Variants in NUP188 observed in about 807,000 individuals in gnomAD.
The protein encoded by NUP188 is nucleoporin NUP188.
A neutral mutation model predicts 223.0 loss-of-function variants in NUP188; 97 were observed. The observed-to-expected ratio is 0.43, with a 90% CI of 0.37 to 0.51. NUP188 has a LOEUF of 0.51. Ranked by LOEUF, NUP188 falls within the 20% of genes least tolerant of loss-of-function variation. NUP188 has a pLI of 0.00. For missense variants in NUP188, 1,947 were observed against 2,175.6 expected (o/e 0.89, Z 2.09); for synonymous variants, 869 against 828.0 (o/e 1.05, Z -0.85).
intron 41 of NUP188, 129 bp from the exon 42 acceptor site, chr9:129,005,921 G>A: frequency 7.1e-7 from 1 of 1,402,566 alleles, no homozygotes; most frequent in East Asian, 2.3e-5. Context: ...CAGCACCTCT[G>A]AGAATTACTG....
At position 128,998,750 on chromosome 9, in the gene NUP188, A is replaced by G. The variant is rs1361355492; in HGVS notation, c.3515+127A>G. 11 of 735,538 alleles carry G rather than the reference A, an allele frequency of 1.5e-5. No individual in the cohort carries two copies. The East Asian group carries it at 2.9e-4, about 19-fold the overall frequency. The allele number at this position is 735,538 out of a possible 1,614,324, so 45.6% of individuals were successfully genotyped here. On this transcript the variant is annotated intron_variant, in intron 32 of 43. Transcript: ENST00000372577. The stretch of plus-strand genomic sequence containing the variant: ...TTTTCCATCTTGAGGAATGGGAGTG[A>G]CATAGCAGATAGGAGGGTGAGGCAG...
At chr9:128,963,218 T>A (rs1158460243) in intron 8 of NUP188, among the ~76,000 whole-genome samples, 2 of 152,142 alleles carry the variant, frequency 1.3e-5, no homozygotes, top group African/African-American at 4.8e-5. Flanking sequence ...TTTTTTGACA[T>A]AAGTTTTCAT....
chr9:128,949,310 C>T, intron 2 of NUP188, 67 bp downstream of exon 2: 2 of 1,169,504 alleles, frequency 1.7e-6, no homozygotes, highest in Non-Finnish European at 1.3e-6. Context: ...CAAAAAAAAC[C>T]TTTTTTTAAA....
chr9:128,964,753 T>C (rs1401598884), intron 8 of NUP188, among the ~76,000 whole-genome samples: 1 of 150,180 alleles, frequency 6.7e-6, no homozygotes. Context: ...TCACCCAGGC[T>C]GGAGTGCAGT....
intron 20 of NUP188, among the ~76,000 whole-genome samples, chr9:128,985,630 G>T (rs866741051): frequency 1.8e-4 from 27 of 152,168 alleles, no homozygotes; most frequent in African/African-American, 6.5e-4. Flanking sequence ...AATATCTTAA[G>T]AGTCTCTAAA....
intron 11 of NUP188, among the ~76,000 whole-genome samples, chr9:128,971,897 A>C (rs1387064414): frequency 1.3e-5 from 2 of 152,036 alleles, no homozygotes; most frequent in Non-Finnish European, 2.9e-5. Flanking sequence ...TCAGCCTCCC[A>C]AGTAGCTGGG....
At position 128,959,081 on chromosome 9, in the gene NUP188, G is replaced by A. The variant is rs1400084917; in HGVS notation, c.532G>A (p.Glu178Lys). ...ELVSKYRQQF[E>K]ELYKTEAPTW... ...AGTTTCAAAATACAGACAGCAGTTCGAAGAGCTTTATAAAACTGAAGCACC... is the reference window on the plus strand; with the variant it reads ...AGTTTCAAAATACAGACAGCAGTTCAAAGAGCTTTATAAAACTGAAGCACC... Residue 178 changes from glutamate to lysine, a missense_variant, in exon 8 of 44, where the codon GAA (glutamate) becomes AAA (lysine). Physicochemically the swap from Glu to Lys is moderately conservative, Grantham distance 56. Coordinates refer to ENST00000372577, the MANE Select transcript of NUP188 (RefSeq NM_015354.3). 1.9e-6 allele frequency: 3 copies of A among 1,603,810 alleles called. No homozygotes were observed. The highest frequency in any genetic ancestry group is 1.7e-5 in the Admixed American group (1 of 59,448).
rs915695042 is a variant in NUP188 at position 129,001,036 on chromosome 9, C to A, written c.3844-493C>A. On this transcript the variant is annotated intron_variant, in intron 34 of 43. Transcript: ENST00000372577. ...TGGGGGACAGAGCGAGGCTCCATCT[C>A]AAAAAAAATGTCTTTATGACTCTGG... 1.4e-4 allele frequency among the ~76,000 whole-genome samples: 21 copies of A among 151,530 alleles called. 1 individual carries two copies. Among genetic ancestry groups the A allele is most frequent in the Non-Finnish European group, 1.5e-5 (1 of 67,870 alleles).
In NUP188 at chr9:128,986,659, T is replaced by C. The variant is rs1399641019; in HGVS notation, c.2178T>C (p.His726=). The change falls in exon 21 of 44, where the codon CAT becomes CAC. Residue 726 remains histidine (H), a synonymous_variant. Transcript: ENST00000372577. ...PSYHKWRYNS[H]GVREQIGCLI... is the part of the protein sequence containing the mutation. ...ACCATAAGTGGCGCTACAACTCTCA[T>C]GGAGTGAGGGAACAGATTGGTAAGG... 1.2e-6 allele frequency: 2 copies of C among 1,614,154 alleles called. No homozygotes were observed. Among genetic ancestry groups the C allele is most frequent in the Admixed American group, 3.3e-5 (2 of 60,018 alleles).
At chr9:128,973,088 G>T (rs374573112) in intron 11 of NUP188, 72 bp from the exon 12 acceptor site, 27 of 864,906 alleles carry the variant, frequency 3.1e-5, no homozygotes, top group Non-Finnish European at 4.9e-5. Context: ...ATATGAATGC[G>T]ATAGGATTAT....
intron 34 of NUP188, among the ~76,000 whole-genome samples, chr9:129,000,887 A>C (rs373807055): frequency 4.0e-5 from 6 of 151,504 alleles, no homozygotes; most frequent in African/African-American, 1.5e-4. Flanking sequence ...AAATACAAAA[A>C]ATTAGCCGGG....
intron 8 of NUP188, among the ~76,000 whole-genome samples, chr9:128,960,350 C>T (rs769455387): frequency 6.6e-6 from 1 of 151,924 alleles, no homozygotes; most frequent in Non-Finnish European, 1.5e-5. Context: ...GGATTACAGG[C>T]GTGAGCCACC....
intron 25 of NUP188, among the ~76,000 whole-genome samples, chr9:128,991,330 G>A (rs550022962): frequency 3.9e-5 from 6 of 152,002 alleles, no homozygotes; most frequent in African/African-American, 1.4e-4. Context: ...ATGAGGTCAG[G>A]GGTTCAAGAC....
At chr9:128,948,029 A>C (rs1841714690) in intron 1 of NUP188, 6 of 332,500 alleles carry the variant, frequency 1.8e-5, no homozygotes, top group Admixed American at 4.9e-5. Context: ...CTCCTCTCTC[A>C]CCTCCGACGC....
chr9:128,956,733 C>T (rs1269142159), intron 4 of NUP188, among the ~76,000 whole-genome samples: 2 of 152,074 alleles, frequency 1.3e-5, no homozygotes, highest in African/African-American at 2.4e-5. Flanking sequence ...GAATAAGCAT[C>T]GTTGTTTCTG....
rs1842761146 is a variant in NUP188, at chr9:129,005,211, A to T, written c.4499A>T (p.His1500Leu). Residue 1500 changes from histidine (H) to leucine (L), a missense_variant, in exon 39 of 44, where the codon CAT (histidine) becomes CTT (leucine). Physicochemically the swap from His to Leu is moderately conservative, Grantham distance 99. This residue lies in a region of NUP188 where 905 missense variants were observed against 990.6 expected (regional missense o/e 0.91). Coordinates refer to ENST00000372577, the MANE Select transcript of NUP188 (RefSeq NM_015354.3). ...CTGCACAGTCGAAAGATGCTGCAGC[A>T]TTACTTACAGGTAAGCGTCCTATGC... ...SLLHSRKMLQ[H>L]YLQNKNGDGL... The T allele has an allele frequency of 6.2e-7, 1 of 1,613,988 alleles. No homozygotes were observed. Among genetic ancestry groups the T allele is most frequent in the Non-Finnish European group, 8.5e-7 (1 of 1,179,958 alleles).
At position 128,947,732 on chromosome 9, in the gene NUP188, G is replaced by C; in HGVS notation, c.13G>C (p.Ala5Pro). 2 of 1,471,566 alleles carry C rather than the reference G, an allele frequency of 1.4e-6. No homozygotes were observed. Among genetic ancestry groups the C allele is most frequent in the African/African-American group, 1.4e-5 (1 of 69,514 alleles). The allele number at this position is 1,471,566 out of a possible 1,614,324, so 91.2% of individuals were successfully genotyped here. Residue 5 changes from alanine (A) to proline (P), a missense_variant, in exon 1 of 44, where the codon GCC becomes CCC. Ala to Pro is a conservative substitution (Grantham distance 27, BLOSUM62 -1). Coordinates refer to ENST00000372577, the MANE Select transcript of NUP188 (RefSeq NM_015354.3). ...CGGGCGCGCGAAGATGGCGGCGGCCGCCGGCGGGCCGTGTGTGAGGTGCGG... is the reference window on the plus strand; with the variant it reads ...CGGGCGCGCGAAGATGGCGGCGGCCCCCGGCGGGCCGTGTGTGAGGTGCGG... The part of the protein sequence containing the change: MAAA[A>P]GGPCVRSSRE...
Position 128,954,510 on chromosome 9 carries a change from G to A in NUP188, c.161+1664G>A, listed in dbSNP as rs563732980. Among the ~76,000 whole-genome samples the A allele has an allele frequency of 2.6e-4, 39 of 150,042 alleles. No homozygotes were observed. In the East Asian group the frequency reaches 4.0e-3, roughly 16 times the overall value. ...CGCCATTCTCCTGCCTCAGCCTCCC[G>A]AGTAGCAGGGACTACAGGCGCCCGC... On this transcript the variant is annotated intron_variant, in intron 3 of 43. Coordinates refer to ENST00000372577, the MANE Select transcript of NUP188 (RefSeq NM_015354.3).
At chr9:128,997,691 C>T (rs1009397078) in intron 30 of NUP188, among the ~76,000 whole-genome samples, 1 of 151,496 alleles carries the variant, frequency 6.6e-6, no homozygotes, top group Admixed American at 6.6e-5. Flanking sequence ...GATAGGGTCT[C>T]ATCATGTTGC....
Sources: gnomAD v4.1 joint callset for allele counts (sites outside exome capture counted in the v4.1 genomes callset) on GRCh38, gnomAD v4.1.1 for gene constraint, gnomAD v4.1.1 regional missense constraint, MANE v1.5 for transcripts, NCBI Gene and HGNC (gene_info 2026-07-23, HGNC 2026-07-21) for gene names.